The following CLCNKB variants were observed in gnomAD, a reference collection of about 807,000 sequenced individuals.
CLCNKB encodes the protein chloride channel protein ClC-Kb.
Under a neutral mutation model 83.8 loss-of-function variants are expected in CLCNKB, and 74 were observed. That is an observed-to-expected ratio of 0.88 (90% confidence interval 0.73 to 1.07). CLCNKB has a LOEUF of 1.07. Among genes scored for constraint, CLCNKB ranks in the 50% least tolerant of loss-of-function variants. The pLI is 0.00. For synonymous variants in CLCNKB, 358 were observed against 356.6 expected, an observed-to-expected ratio of 1.00 and a Z score of -0.04; for missense variants, 798 against 893.6, an observed-to-expected ratio of 0.89 and a Z score of 1.36.
rs1452012421 is a variant in CLCNKB, at chr1:16,057,164, A to G, written c.*248A>G. 1.5e-6 allele frequency: 1 copy of G among 689,538 alleles called. No homozygotes were observed. Among genetic ancestry groups the G allele is most frequent in the Non-Finnish European group, 2.7e-6 (1 of 371,902 alleles). 42.7% of individuals were successfully genotyped at this position (689,538 alleles called of 1,614,324 possible). On this transcript the variant is annotated 3_prime_UTR_variant, in exon 20 of 20. Coordinates refer to ENST00000375679, the MANE Select transcript of CLCNKB (RefSeq NM_000085.5). Reference sequence around the variant, plus strand: ...GAGTGTGAGAAGATGGAAAACCAGTATCTGCCAGTTGCTCAGTGACTGGCC... The same window carrying G: ...GAGTGTGAGAAGATGGAAAACCAGTGTCTGCCAGTTGCTCAGTGACTGGCC...
intron 18 of CLCNKB, 35 bp from the exon 19 acceptor site, chr1:16,056,387 C>T: frequency 6.2e-7 from 1 of 1,608,758 alleles, no homozygotes; most frequent in South Asian, 1.1e-5. Context: ...TGGGCACCTT[C>T]TACCCTCCAG....
intron 13 of CLCNKB, 40 bp from the exon 14 acceptor site, chr1:16,051,670 G>A (rs375000383): frequency 2.5e-4 from 394 of 1,603,368 alleles, no homozygotes; most frequent in Middle Eastern, 4.9e-4. Flanking sequence ...TGTGGGGGCC[G>A]GGTCAGCCTG....
rs764780584 is a variant in CLCNKB at position 16,050,539 on chromosome 1, C to G, written c.992C>G (p.Ala331Gly). 6.2e-7 allele frequency: 1 copy of G among 1,614,120 alleles called. No individual in the cohort carries two copies. Among genetic ancestry groups the G allele is most frequent in the East Asian group, 2.2e-5 (1 of 44,870 alleles). ...AGCAAGCCTGTGTACTCCGCTCTGG[C>G]CACCTTGGTTCTCGCCTCCATCACC... ...ATSKPVYSAL[A>G]TLVLASITYP... The change falls in exon 11 of 20, where the codon GCC becomes GGC. Residue 331 changes from alanine to glycine, a missense_variant. Coordinates refer to ENST00000375679, the MANE Select transcript of CLCNKB (RefSeq NM_000085.5).
intron 12 of CLCNKB, 55 bp downstream of exon 12, chr1:16,051,103 T>C (rs369520464): frequency 6.2e-7 from 1 of 1,611,260 alleles, no homozygotes; most frequent in African/African-American, 1.3e-5. Flanking sequence ...CTGGTGGTGG[T>C]GGGGGGTACC....
At chr1:16,054,017 C>G (rs2023371962) in intron 16 of CLCNKB, among the ~76,000 whole-genome samples, 1 of 152,124 alleles carries the variant, frequency 6.6e-6, no homozygotes, top group Admixed American at 6.5e-5. Flanking sequence ...AAGGCAGTCC[C>G]TGGGCAGCTG....
chr1:16,054,507 T>G (rs2124109071), intron 16 of CLCNKB, among the ~76,000 whole-genome samples: 1 of 152,248 alleles, frequency 6.6e-6, no homozygotes, highest in Middle Eastern at 3.4e-3. Flanking sequence ...AGTATACCAC[T>G]TAAGCTCTAT....
Position 16,051,499 on chromosome 1 carries a change from A to G in CLCNKB, c.1249A>G (p.Thr417Ala), listed in dbSNP as rs368925652. The change falls in exon 13 of 20, where the codon ACC (threonine) becomes GCC (alanine). Residue 417 changes from threonine to alanine, a missense_variant. Transcript: ENST00000375679. ...VMKFWMLILA[T>A]TIPMPAGYFM... is the part of the protein sequence containing the mutation. Reference sequence around the variant, plus strand: ...ACAGTTCTGGATGCTGATTCTGGCCACCACCATCCCCATGCCTGCCGGGTA... The same window carrying G: ...ACAGTTCTGGATGCTGATTCTGGCCGCCACCATCCCCATGCCTGCCGGGTA... 1.7e-5 allele frequency: 27 copies of G among 1,613,974 alleles called. No homozygotes were observed. In the African/African-American group the frequency reaches 3.1e-4, roughly 18 times the overall value.
rs376038359 is a variant in CLCNKB at position 16,048,498 on chromosome 1, C to T, written c.577-6C>T. ...TGACTCTGAGCCCTGGACTCGGATC[C>T]CCCAGAACAAGAGCAAGCAAAACGA... On this transcript the variant is annotated splice_polypyrimidine_tract_variant and splice_region_variant and intron_variant, in intron 6 of 19. Transcript: ENST00000375679. 250 of 1,613,288 alleles carry T rather than the reference C, an allele frequency of 1.5e-4. 1 individual carries two copies. Among genetic ancestry groups the T allele is most frequent in the Non-Finnish European group, 2.1e-4 (243 of 1,179,636 alleles).
At position 16,051,548 on chromosome 1, in the gene CLCNKB, GT is replaced by G; in HGVS notation, c.1297+2del. The G allele has an allele frequency of 6.2e-7, 1 of 1,614,030 alleles. No individual in the cohort carries two copies. The highest frequency in any genetic ancestry group is 8.5e-7 in the Non-Finnish European group (1 of 1,179,946). On this transcript the variant is annotated splice_donor_variant, in intron 13 of 19. Coordinates refer to ENST00000375679, the MANE Select transcript of CLCNKB (RefSeq NM_000085.5). LOFTEE classifies it high-confidence loss of function. Reference sequence around the variant, plus strand: ...TACTTCATGCCCATCTTTGTCTATGGTGAGTCTGGGGTCCTGAGGTTCTGAG... The same window carrying G: ...TACTTCATGCCCATCTTTGTCTATGGGAGTCTGGGGTCCTGAGGTTCTGAG...
Position 16,052,383 on chromosome 1 carries a change from C to T in CLCNKB, c.1594C>T (p.Leu532=), listed in dbSNP as rs2023322883. 1.9e-6 allele frequency: 3 copies of T among 1,613,552 alleles called. No homozygotes were observed. The African/African-American group carries it at 4.0e-5, about 21-fold the overall frequency. Residue 532 remains leucine (L), a synonymous_variant, in exon 15 of 20, where the codon CTG becomes TTG. Coordinates refer to ENST00000375679, the MANE Select transcript of CLCNKB (RefSeq NM_000085.5). ...GTVIVKKLPY[L]PRILGRNIGS... is the part of the protein sequence containing the mutation. ...CGTCATTGTCAAGAAGCTGCCATAC[C>T]TGCCACGGATTCTGGGCCGCAACAT...
intron 16 of CLCNKB, among the ~76,000 whole-genome samples, chr1:16,054,483 G>A (rs114757942): frequency 0.014 from 2,198 of 152,218 alleles, 67 homozygotes; most frequent in African/African-American, 0.046. Context: ...CCATTTATGA[G>A]CTAAAGAACT....
intron 10 of CLCNKB, 27 bp downstream of exon 10, chr1:16,049,943 C>T (rs751411835): frequency 5.5e-6 from 7 of 1,267,254 alleles, no homozygotes; most frequent in Non-Finnish European, 7.2e-6. Context: ...GGGCTGGGGA[C>T]CTCTCAGCGA....
intron 10 of CLCNKB, among the ~76,000 whole-genome samples, chr1:16,050,122 C>T (rs2023241745): frequency 9.9e-6 from 1 of 100,626 alleles, no homozygotes; most frequent in Non-Finnish European, 2.3e-5. Context: ...CCCATTTAAC[C>T]CCCATATCTC....
At chr1:16,056,842 C>CCCCCCCCCCCCCCCCTCT in intron 19 of CLCNKB, 27 bp from the exon 20 acceptor site, 1 of 1,009,078 alleles carries the variant, frequency 9.9e-7, no homozygotes, top group Non-Finnish European at 1.5e-6. Flanking sequence ...CATCCCCCCG[C>CCCCCCCCCCCCCCCCTCT]ACCTCCACCC....
intron 19 of CLCNKB, among the ~76,000 whole-genome samples, 155 bp downstream of exon 19, chr1:16,056,663 G>A (rs1157083204): frequency 6.6e-6 from 1 of 152,024 alleles, no homozygotes; most frequent in East Asian, 1.9e-4. Flanking sequence ...GGCCCAGATT[G>A]GCCACTGGGC....
intron 10 of CLCNKB, 75 bp from the exon 11 acceptor site, chr1:16,050,441 T>A (rs2023250569): frequency 2.6e-5 from 40 of 1,513,796 alleles, no homozygotes; most frequent in Non-Finnish European, 3.6e-5. Flanking sequence ...GTCCTTGCCT[T>A]GCTAGGCCCT....
intron 11 of CLCNKB, 126 bp downstream of exon 11, chr1:16,050,726 A>T: frequency 6.8e-7 from 1 of 1,476,000 alleles, no homozygotes; most frequent in Admixed American, 1.9e-5. Flanking sequence ...TATAGATGAT[A>T]CTACAGCTTC....
At chr1:16,056,084 T>C (rs1039526123) in intron 18 of CLCNKB, among the ~76,000 whole-genome samples, 5 of 152,212 alleles carry the variant, frequency 3.3e-5, no homozygotes, top group African/African-American at 1.2e-4. Context: ...ATTCTCCCTG[T>C]GTGATCTTGG....
chr1:16,046,677 C>T lies in CLCNKB; in HGVS notation c.358+14C>T, dbSNP rs756697320. On this transcript the variant is annotated intron_variant, in intron 4 of 19. Coordinates refer to ENST00000375679, the MANE Select transcript of CLCNKB (RefSeq NM_000085.5). ...CCTCCTCTGGAGGTGAGTCCACAGT[C>T]GCTACGCCAGTCCCCACTGGCCAAA... 32 of 1,608,534 alleles carry T rather than the reference C, an allele frequency of 2.0e-5. No individual in the cohort carries two copies. The highest frequency in any genetic ancestry group is 4.4e-5 in the South Asian group (4 of 90,520).
Sources: gnomAD v4.1 joint callset for allele counts (sites outside exome capture counted in the v4.1 genomes callset) on GRCh38, gnomAD v4.1.1 for gene constraint, MANE v1.5 for transcripts, NCBI Gene and HGNC (gene_info 2026-07-23, HGNC 2026-07-21) for gene names.